NLRP8: variants seen among roughly 807,000 people sequenced by gnomAD.
NLRP8 encodes the protein NACHT, LRR and PYD domains-containing protein 8.
Under a neutral mutation model 88.7 loss-of-function variants are expected in NLRP8, and 86 were observed. The observed-to-expected ratio is 0.97, with a 90% CI of 0.81 to 1.16. NLRP8 has a LOEUF of 1.16. NLRP8 is among the 50% of genes most tolerant of loss of function. The pLI is 0.00. For synonymous variants in NLRP8, 504 were observed against 494.6 expected (o/e 1.02, Z -0.25); for missense variants, 1,342 against 1,286.5 (o/e 1.04, Z -0.66).
Position 55,955,897 on chromosome 19 carries a change from G to A in NLRP8, c.1839G>A (p.Leu613=). 7 of 1,614,176 alleles carry A rather than the reference G, an allele frequency of 4.3e-6. No individual in the cohort carries two copies. Among genetic ancestry groups the A allele is most frequent in the Non-Finnish European group, 5.9e-6 (7 of 1,180,030 alleles). Residue 613 remains leucine, a synonymous_variant, in exon 3 of 10, where the codon CTG becomes CTA. Transcript: ENST00000291971. Reference sequence around the variant, plus strand: ...GGGTCCCGCAGTTATTCTACTGTCTGCATGAAATCCGGGAGGAAGCCTTTG... The same window carrying A: ...GGGTCCCGCAGTTATTCTACTGTCTACATGAAATCCGGGAGGAAGCCTTTG...
intron 6 of NLRP8, among the ~76,000 whole-genome samples, chr19:55,972,790 GGTGTGTGTGTGTGTGTGTATGTGT>G (rs1462595798): frequency 6.3e-4 from 88 of 138,938 alleles, no homozygotes; most frequent in East Asian, 2.8e-3. Flanking sequence ...AGTATTCCAT[GGTGTGTGTGTGTGTGTGTATGTGT>G]GTGTGTGTGT....
At position 55,954,523 on chromosome 19, in the gene NLRP8, G is replaced by A. The variant is rs1044542565; in HGVS notation, c.465G>A (p.Ser155=). ...TAGGTAAAATACGGCGGTATAAATC[G>A]AATGTGATGGAAAAGTTTTTCCCCA... is the stretch of plus-strand genomic sequence containing the variant. Residue 155 remains serine (S), a synonymous_variant, in exon 3 of 10, where the codon TCG becomes TCA. Transcript: ENST00000291971. 11 of 1,613,646 alleles carry A rather than the reference G, an allele frequency of 6.8e-6. No individual in the cohort carries two copies. The highest frequency in any genetic ancestry group is 3.4e-6 in the Non-Finnish European group (4 of 1,179,914).
At chr19:55,970,247 T>C (rs1163325592) in intron 5 of NLRP8, among the ~76,000 whole-genome samples, 3 of 152,148 alleles carry the variant, frequency 2.0e-5, no homozygotes, top group African/African-American at 7.2e-5. Context: ...TATACACAAT[T>C]ATATTTTTCC....
chr19:55,987,867 C>A lies in NLRP8; in HGVS notation c.3101C>A (p.Pro1034His), dbSNP rs1419635168. The A allele has an allele frequency of 6.2e-7, 1 of 1,613,994 alleles. No homozygotes were observed. The highest frequency in any genetic ancestry group is 8.5e-7 in the Non-Finnish European group (1 of 1,180,004). The change falls in exon 10 of 10, where the codon CCC becomes CAC. Residue 1034 changes from proline (P) to histidine (H), a missense_variant. Physicochemically the swap from Pro to His is moderately conservative, Grantham distance 77. Transcript: ENST00000291971. The stretch of plus-strand genomic sequence containing the variant: ...AGCTTCTCCCCAACTCCTCACCCAC[C>A]CGACTTCACGGGAAAAAGTGACTGC...
chr19:55,973,576 T>G, intron 6 of NLRP8, 76 bp from the exon 7 acceptor site: 2 of 1,361,890 alleles, frequency 1.5e-6, no homozygotes, highest in Non-Finnish European at 2.0e-6. Context: ...GGGAGAGCCC[T>G]GACTGAGAAG....
chr19:55,950,433 A>T (rs1377555391), intron 1 of NLRP8, among the ~76,000 whole-genome samples: 4 of 151,918 alleles, frequency 2.6e-5, no homozygotes, highest in Non-Finnish European at 5.9e-5. Context: ...AAACACACAC[A>T]CACACACACA....
chr19:55,948,522 G>A (rs952117091), intron 1 of NLRP8, among the ~76,000 whole-genome samples: 39 of 152,200 alleles, frequency 2.6e-4, no homozygotes, highest in Middle Eastern at 3.4e-3. Flanking sequence ...TGCAAACCCC[G>A]CCTCCCAGGT....
chr19:55,959,721 G>A (rs1408495294), intron 3 of NLRP8, among the ~76,000 whole-genome samples: 3 of 152,208 alleles, frequency 2.0e-5, no homozygotes, highest in African/African-American at 4.8e-5. Context: ...TACACAGGGA[G>A]AAGGCCAAGA....
At chr19:55,967,729 T>C (rs1979906333) in intron 5 of NLRP8, among the ~76,000 whole-genome samples, 1 of 152,206 alleles carries the variant, frequency 6.6e-6, no homozygotes, top group Admixed American at 6.5e-5. Flanking sequence ...GATGGCTGGA[T>C]CACATGGCAG....
At chr19:55,977,079 CAAA>C (rs772893637) in intron 8 of NLRP8, among the ~76,000 whole-genome samples, 1 of 93,216 alleles carries the variant, frequency 1.1e-5, no homozygotes. Flanking sequence ...GACTCTGTCT[CAAA>C]AAAAAAAAAA....
chr19:55,948,816 G>A (rs1294294387), intron 1 of NLRP8, among the ~76,000 whole-genome samples: 1 of 152,124 alleles, frequency 6.6e-6, no homozygotes, highest in East Asian at 1.9e-4. Flanking sequence ...TAGAGAAGTA[G>A]GAAGTAAAAT....
At chr19:55,974,750 A>G (rs1400434652) in intron 7 of NLRP8, among the ~76,000 whole-genome samples, 4 of 150,302 alleles carry the variant, frequency 2.7e-5, no homozygotes. Context: ...AAAAAAAAAA[A>G]GAAAGAAAAA....
chr19:55,956,076 G>C lies in NLRP8; in HGVS notation c.2018G>C (p.Ser673Thr). ...AACTTCATGAACGTGTGGAAGCTCAGCTCCAGCTCCCATCCTGGCTCTGAG... is the reference window on the plus strand; with the variant it reads ...AACTTCATGAACGTGTGGAAGCTCACCTCCAGCTCCCATCCTGGCTCTGAG... Residue 673 changes from serine to threonine, a missense_variant, in exon 3 of 10, where the codon AGC (serine) becomes ACC (threonine). Coordinates refer to ENST00000291971, the MANE Select transcript of NLRP8 (RefSeq NM_176811.2). 1 of 1,613,412 alleles carries C rather than the reference G, an allele frequency of 6.2e-7. No individual in the cohort carries two copies. Among genetic ancestry groups the C allele is most frequent in the Non-Finnish European group, 8.5e-7 (1 of 1,179,514 alleles).
At chr19:55,957,242 T>A (rs1979394627) in intron 3 of NLRP8, among the ~76,000 whole-genome samples, 1 of 152,250 alleles carries the variant, frequency 6.6e-6, no homozygotes, top group Admixed American at 6.5e-5. Flanking sequence ...GGAATGTGGC[T>A]GGTGTGACCG....
intron 4 of NLRP8, among the ~76,000 whole-genome samples, chr19:55,965,128 T>A (rs1479646166): frequency 6.6e-6 from 1 of 151,586 alleles, no homozygotes; most frequent in Admixed American, 6.6e-5. Flanking sequence ...TCTACAAAAA[T>A]TTTTCTAAAA....
chr19:55,950,530 C>T (rs1419647033), intron 1 of NLRP8, among the ~76,000 whole-genome samples: 1 of 152,132 alleles, frequency 6.6e-6, no homozygotes, highest in East Asian at 1.9e-4. Context: ...GTATTCGTAA[C>T]CCCCAAATCA....
At chr19:55,964,353 C>A (rs370488796) in intron 4 of NLRP8, among the ~76,000 whole-genome samples, 14 of 152,130 alleles carry the variant, frequency 9.2e-5, no homozygotes, top group Non-Finnish European at 1.8e-4. Context: ...AGAGAGGTTA[C>A]GTGATTTGTG....
chr19:55,973,435 A>G (rs947983579), intron 6 of NLRP8, among the ~76,000 whole-genome samples: 6 of 152,110 alleles, frequency 3.9e-5, no homozygotes. Flanking sequence ...GAAGCTTTTT[A>G]GTCTATCAGT....
intron 4 of NLRP8, among the ~76,000 whole-genome samples, chr19:55,963,276 G>A (rs1979695585): frequency 6.6e-6 from 1 of 152,122 alleles, no homozygotes. Context: ...GGCCTCCCAA[G>A]GTGCTGGGAT....
Sources: allele counts gnomAD v4.1 joint callset (sites outside exome capture counted in the v4.1 genomes callset), GRCh38; gene constraint gnomAD v4.1.1; transcripts MANE v1.5; gene names NCBI Gene and HGNC (gene_info 2026-07-23, HGNC 2026-07-21).